The following RBFOX1 variants were observed in gnomAD, a reference collection of about 807,000 sequenced individuals.
RBFOX1 encodes RNA binding protein fox-1 homolog 1.
RBFOX1 carries 8 observed loss-of-function variants against 57.7 expected under a neutral mutation model. The observed-to-expected ratio is 0.14, with a 90% CI of 0.08 to 0.25. RBFOX1 has a LOEUF of 0.25. Ranked by LOEUF, RBFOX1 falls within the 10% of genes least tolerant of loss-of-function variation. The pLI, the probability that RBFOX1 is intolerant of heterozygous loss-of-function variation, is 1.00. For synonymous variants in RBFOX1, 326 were observed against 222.4 expected (o/e 1.47, Z -4.15); for missense variants, 611 against 548.5 (o/e 1.11, Z -1.14).
intron 3 of RBFOX1, among the ~76,000 whole-genome samples, chr16:6,997,666 T>C (rs2092383976): frequency 6.6e-6 from 1 of 152,198 alleles, no homozygotes; most frequent in South Asian, 2.1e-4. Flanking sequence ...AGGGTATTGT[T>C]CGGTTTCTTG....
chr16:6,608,138 A>C (rs1157885835), intron 2 of RBFOX1, among the ~76,000 whole-genome samples: 1 of 152,196 alleles, frequency 6.6e-6, no homozygotes, highest in African/African-American at 2.4e-5. Context: ...TATTTCATTG[A>C]TTACTCCTCA....
intron 2 of RBFOX1, among the ~76,000 whole-genome samples, chr16:6,440,507 G>T (rs2094353492): frequency 6.6e-6 from 1 of 152,054 alleles, no homozygotes; most frequent in African/African-American, 2.4e-5. Context: ...GGGTAGTAAA[G>T]ACTAAAAGGA....
chr16:7,016,423 C>G (rs1440465904), intron 3 of RBFOX1, among the ~76,000 whole-genome samples: 3 of 152,136 alleles, frequency 2.0e-5, no homozygotes, highest in South Asian at 2.1e-4. Flanking sequence ...ATTCTGCAGA[C>G]TGGATTTAAA....
At chr16:6,718,052 C>G (rs1337790493) in intron 3 of RBFOX1, among the ~76,000 whole-genome samples, 1 of 152,156 alleles carries the variant, frequency 6.6e-6, no homozygotes, top group African/African-American at 2.4e-5. Context: ...CCCAAATAAA[C>G]AGGTGCATTT....
intron 4 of RBFOX1, among the ~76,000 whole-genome samples, chr16:5,900,210 A>C (rs148276016): frequency 6.6e-6 from 1 of 152,218 alleles, no homozygotes; most frequent in Non-Finnish European, 1.5e-5. Flanking sequence ...GGGTGGGGCC[A>C]ATGTGGGAGA....
At chr16:6,695,525 C>A (rs1436141440) in intron 3 of RBFOX1, among the ~76,000 whole-genome samples, 1 of 150,222 alleles carries the variant, frequency 6.7e-6, no homozygotes, top group South Asian at 2.1e-4. Flanking sequence ...TTTAAGATTT[C>A]TTGGAGCCCT....
At chr16:7,625,015 G>T (rs967541916) in intron 10 of RBFOX1, among the ~76,000 whole-genome samples, 1 of 152,140 alleles carries the variant, frequency 6.6e-6, no homozygotes, top group African/African-American at 2.4e-5. Context: ...GAGAAACCTT[G>T]TGTGTGGCAG....
At chr16:7,584,185 A>G (rs796505831) in intron 6 of RBFOX1, among the ~76,000 whole-genome samples, 73 of 152,334 alleles carry the variant, frequency 4.8e-4, no homozygotes, top group African/African-American at 1.7e-3. Context: ...TGCTGTATCC[A>G]TTGAACATCC....
At chr16:6,497,096 AG>A (rs1280703270) in intron 2 of RBFOX1, among the ~76,000 whole-genome samples, 1 of 152,220 alleles carries the variant, frequency 6.6e-6, no homozygotes, top group Non-Finnish European at 1.5e-5. Context: ...TCCATTTTAC[AG>A]ATGAGGGAGC....
chr16:7,282,746 C>T (rs2095571242), intron 4 of RBFOX1, among the ~76,000 whole-genome samples: 1 of 152,176 alleles, frequency 6.6e-6, no homozygotes, highest in African/African-American at 2.4e-5. Flanking sequence ...ACCCTTTCTC[C>T]CTGAGTCCCC....
At chr16:6,573,400 C>G (rs1292646855) in intron 2 of RBFOX1, among the ~76,000 whole-genome samples, 1 of 152,160 alleles carries the variant, frequency 6.6e-6, no homozygotes, top group East Asian at 1.9e-4. Flanking sequence ...GTTACTTTAT[C>G]CTGGCCTGTC....
intron 4 of RBFOX1, among the ~76,000 whole-genome samples, chr16:7,291,724 C>G (rs1242875791): frequency 6.6e-6 from 1 of 151,694 alleles, no homozygotes; most frequent in Admixed American, 6.6e-5. Context: ...CATGATGATT[C>G]CTGAGATGCA....
intron 3 of RBFOX1, among the ~76,000 whole-genome samples, chr16:5,639,554 A>C (rs189863793): frequency 6.6e-6 from 1 of 152,192 alleles, no homozygotes; most frequent in African/African-American, 2.4e-5. Context: ...TAGAGGGAGC[A>C]AGAAGTGTGT....
At chr16:5,621,693 C>G (rs8054565) in intron 3 of RBFOX1, among the ~76,000 whole-genome samples, 1 of 151,980 alleles carries the variant, frequency 6.6e-6, no homozygotes, top group South Asian at 2.1e-4. Flanking sequence ...TGGAAAATAC[C>G]AGGATGGTGA....
At chr16:6,398,329 T>C (rs2092925564) in intron 2 of RBFOX1, among the ~76,000 whole-genome samples, 1 of 152,150 alleles carries the variant, frequency 6.6e-6, no homozygotes, top group African/African-American at 2.4e-5. Flanking sequence ...TCTCATGTCC[T>C]CACATTTAAA....
intron 2 of RBFOX1, among the ~76,000 whole-genome samples, chr16:6,559,504 G>T (rs1189476474): frequency 6.6e-6 from 1 of 152,038 alleles, no homozygotes; most frequent in Non-Finnish European, 1.5e-5. Context: ...GAGAAAACAT[G>T]AATTTCATGT....
intron 4 of RBFOX1, among the ~76,000 whole-genome samples, chr16:7,382,166 A>C (rs1053855340): frequency 2.0e-5 from 3 of 152,186 alleles, no homozygotes; most frequent in Non-Finnish European, 4.4e-5. Flanking sequence ...AAGTGACAAA[A>C]GCCAATATAT....
At chr16:7,463,567 C>T (rs2059961730) in intron 4 of RBFOX1, among the ~76,000 whole-genome samples, 1 of 152,196 alleles carries the variant, frequency 6.6e-6, no homozygotes. Context: ...GTAATCACCT[C>T]CTTAAGGCCC....
intron 3 of RBFOX1, among the ~76,000 whole-genome samples, chr16:6,767,812 G>T (rs1031558515): frequency 4.6e-5 from 7 of 151,700 alleles, no homozygotes; most frequent in Non-Finnish European, 8.8e-5. Context: ...TACTCAGGAG[G>T]CTCAGGCAGG....
Sources: allele counts gnomAD v4.1 joint callset (sites outside exome capture counted in the v4.1 genomes callset), GRCh38; gene constraint gnomAD v4.1.1; transcripts MANE v1.5; gene names NCBI Gene and HGNC (gene_info 2026-07-23, HGNC 2026-07-21).